The following SLC49A3 variants were observed in gnomAD, a reference collection of about 807,000 sequenced individuals.
SLC49A3 encodes solute carrier family 49 member 3.
SLC49A3 carries 50 observed loss-of-function variants against 43.8 expected under a neutral mutation model. That is an observed-to-expected ratio of 1.14 (90% CI 0.91 to 1.45). The LOEUF is 1.45. Ranked by LOEUF, SLC49A3 falls within the 40% of genes most tolerant of loss-of-function variation. The pLI is 0.00. For missense variants in SLC49A3, 906 were observed against 774.1 expected, an observed-to-expected ratio of 1.17 and a Z score of -2.02; for synonymous variants, 413 against 352.0, an observed-to-expected ratio of 1.17 and a Z score of -1.94.
At position 684,743 on chromosome 4, in the gene SLC49A3, C is replaced by A. The variant is rs1400875807; in HGVS notation, c.699G>T (p.Glu233Asp). Reference protein sequence around the residue: ...PSAGAASSTSEKFLDGLKLLM... With the variant: ...PSAGAASSTSDKFLDGLKLLM... ...CCAGCTTGAGCCCATCCAGGAACTT[C>A]TCTGAGGTGGAGCTGGCAGCCCCGG... The change falls in exon 5 of 10, where the codon GAG becomes GAT. Residue 233 changes from glutamate (E) to aspartate (D), a missense_variant. Transcript: ENST00000322224. 6.2e-7 allele frequency: 1 copy of A among 1,611,908 alleles called. No individual in the cohort carries two copies. The highest frequency in any genetic ancestry group is 8.5e-7 in the Non-Finnish European group (1 of 1,179,642).
In SLC49A3 at chr4:684,502, C is replaced by G. The variant is rs1163716791; in HGVS notation, c.821G>C (p.Cys274Ser). The change falls in exon 6 of 10, where the codon TGT becomes TCT. Residue 274 changes from cysteine to serine, a missense_variant. Coordinates refer to ENST00000322224, the MANE Select transcript of SLC49A3 (RefSeq NM_032219.4). ...GCTCACACTGGAGTGGCCGCTTGCA[C>G]AGAGGATCTGCTCCAGGAGGGCTGA... Reference protein sequence around the residue: ...SFSALLEQILCASGHSSGFSG... With the variant: ...SFSALLEQILSASGHSSGFSG... 6.2e-7 allele frequency: 1 copy of G among 1,612,984 alleles called. No homozygotes were observed. Among genetic ancestry groups the G allele is most frequent in the Admixed American group, 1.7e-5 (1 of 59,988 alleles).
At position 682,859 on chromosome 4, in the gene SLC49A3, T is replaced by C. The variant is rs946674717; in HGVS notation, c.1183A>G (p.Met395Val). 7.5e-6 allele frequency: 12 copies of C among 1,603,146 alleles called. No individual in the cohort carries two copies. Among genetic ancestry groups the C allele is most frequent in the Middle Eastern group, 1.7e-4 (1 of 5,858 alleles). The change falls in exon 9 of 10, where the codon ATG becomes GTG. Residue 395 changes from methionine (M) to valine (V), a missense_variant. Transcript: ENST00000322224. ...QAEGILIMLA[M>V]TALTVRRSEP... ...GAGCGTCGCACAGTCAGTGCCGTCATTGCCAGCATGATGAGTATTCCCTCG... is the reference window on the plus strand; with the variant it reads ...GAGCGTCGCACAGTCAGTGCCGTCACTGCCAGCATGATGAGTATTCCCTCG...
chr4:688,839 C>T (rs1741557009), intron 1 of SLC49A3, 154 bp downstream of exon 1: 4 of 1,240,914 alleles, frequency 3.2e-6, no homozygotes, highest in Middle Eastern at 2.7e-4. Flanking sequence ...ACAGACAGTG[C>T]CCCCAGTGCC....
At chr4:678,531 C>G (rs13110755), downstream of SLC49A3, 34,899 of 1,462,728 alleles carry the variant, frequency 0.024, 441 homozygotes, top group Middle Eastern at 0.03. Flanking sequence ...CCTCAGCTGT[C>G]TGGCCCCCTC....
downstream of SLC49A3, among the ~76,000 whole-genome samples, chr4:681,580 C>T (rs1209506254): frequency 1.4e-5 from 2 of 145,878 alleles, no homozygotes; most frequent in Admixed American, 6.8e-5. Flanking sequence ...TGCGCCCAGA[C>T]TGTGGCTGCA....
At chr4:679,869 G>C, downstream of SLC49A3, 1 of 1,559,262 alleles carries the variant, frequency 6.4e-7, no homozygotes, top group Non-Finnish European at 8.8e-7. Flanking sequence ...GTGGCACAGG[G>C]CAGGCAACAA....
chr4:684,638 C>T lies in SLC49A3; in HGVS notation c.724-39G>A, dbSNP rs1740611167. The T allele has an allele frequency of 3.7e-6, 6 of 1,611,274 alleles. No individual in the cohort carries two copies. The East Asian group carries it at 6.7e-5, about 18-fold the overall frequency. On this transcript the variant is annotated intron_variant, in intron 5 of 9. Transcript: ENST00000322224. The stretch of plus-strand genomic sequence containing the variant: ...GCGTCTCAGCCCCGGAGCCCGGGGG[C>T]CCTTCCCAAACCCATCGCCTCCTCA...
Position 685,787 on chromosome 4 carries a change from T to C in SLC49A3, c.585+48A>G, listed in dbSNP as rs1020347635. 4 of 1,590,816 alleles carry C rather than the reference T, an allele frequency of 2.5e-6. No individual in the cohort carries two copies. The highest frequency in any genetic ancestry group is 2.2e-5 in the South Asian group (2 of 90,502). On this transcript the variant is annotated intron_variant, in intron 4 of 9. Transcript: ENST00000322224. This position sits in a 1 kb window ranked among gnomAD's most constrained non-coding sequence, Gnocchi z 4.3. The stretch of plus-strand genomic sequence containing the variant: ...GGGATCAGGAACACACAGACGTGCA[T>C]GCGCACACACCACACAGACCAGGCA...
upstream of SLC49A3, among the ~76,000 whole-genome samples, chr4:690,607 C>G (rs75012393): frequency 0.12 from 18,587 of 152,270 alleles, 1,242 homozygotes; most frequent in Middle Eastern, 0.17. Flanking sequence ...GGAGCACTGC[C>G]TCTGACAGGT....
chr4:691,034 C>G (rs555602779), upstream of SLC49A3, among the ~76,000 whole-genome samples: 9 of 152,348 alleles, frequency 5.9e-5, no homozygotes, highest in Non-Finnish European at 8.8e-5. Context: ...CGCCTGTAAT[C>G]CCAGCACTTT....
rs781589623 is a variant in SLC49A3 at position 689,049 on chromosome 4, C to T, written c.79G>A (p.Ala27Thr). ...LCAQRGHRTY[A>T]RRWVFLLAIS... ...GCGAGCAGGAACACCCAGCGGCGCGCGTAGGTGCGGTGGCCCCGCTGCGCG... is the reference window on the plus strand; with the variant it reads ...GCGAGCAGGAACACCCAGCGGCGCGTGTAGGTGCGGTGGCCCCGCTGCGCG... The change falls in exon 1 of 10, where the codon GCG becomes ACG. Residue 27 changes from alanine to threonine, a missense_variant. Coordinates refer to ENST00000322224, the MANE Select transcript of SLC49A3 (RefSeq NM_032219.4). The T allele has an allele frequency of 2.5e-6, 4 of 1,586,196 alleles. No individual in the cohort carries two copies. In the East Asian group the frequency reaches 7.3e-5, roughly 29 times the overall value.
downstream of SLC49A3, chr4:680,530 T>C (rs778679021): frequency 3.2e-5 from 52 of 1,613,452 alleles, no homozygotes; most frequent in Non-Finnish European, 4.3e-5. Context: ...GAGGAGACCA[T>C]TCTTAACGCC....
chr4:678,155 GCTCTGCCTGCATA>G, downstream of SLC49A3: 1 of 1,546,610 alleles, frequency 6.5e-7, no homozygotes. Context: ...GTGGGCGTGT[GCTCTGCCTGCATA>G]TGTGTGTGCA....
chr4:686,156 T>C lies in SLC49A3; in HGVS notation c.441A>G (p.Pro147=), dbSNP rs1740974196. 2 of 1,613,296 alleles carry C rather than the reference T, an allele frequency of 1.2e-6. No individual in the cohort carries two copies. The highest frequency in any genetic ancestry group is 1.7e-5 in the Admixed American group (1 of 60,024). Residue 147 remains proline (P), a synonymous_variant, in exon 3 of 10, where the codon CCA becomes CCG. Coordinates refer to ENST00000322224, the MANE Select transcript of SLC49A3 (RefSeq NM_032219.4). Reference sequence around the variant, plus strand: ...GGAACCACAAGGCAGCCAGCTTGGCTGGAGAGAAGATGACCAGGCTCTGGG... The same window carrying C: ...GGAACCACAAGGCAGCCAGCTTGGCCGGAGAGAAGATGACCAGGCTCTGGG... ...ALAQSLVIFS[P]AKLAALWFPE... is the part of the protein sequence containing the mutation.
chr4:688,273 C>T (rs1741440004), intron 1 of SLC49A3, among the ~76,000 whole-genome samples: 1 of 152,220 alleles, frequency 6.6e-6, no homozygotes, highest in Non-Finnish European at 1.5e-5. Flanking sequence ...GCTGGCCCTC[C>T]ATACCCAGCC....
At chr4:680,153 T>C, downstream of SLC49A3, 1 of 908,922 alleles carries the variant, frequency 1.1e-6, no homozygotes. Flanking sequence ...AGCCAACAAC[T>C]GTGGGGCCCC....
downstream of SLC49A3, chr4:677,848 G>C: frequency 9.7e-7 from 1 of 1,027,518 alleles, no homozygotes; most frequent in Non-Finnish European, 1.5e-6. Context: ...AAGGGTGTGA[G>C]TCACTGCCAG....
downstream of SLC49A3, chr4:681,207 G>A: frequency 6.5e-7 from 1 of 1,548,486 alleles, no homozygotes; most frequent in Admixed American, 1.9e-5. Context: ...CAGCTGGGTG[G>A]AGGGGGACGC....
In SLC49A3 at chr4:686,625, C is replaced by A. The variant is rs755588181; in HGVS notation, c.201G>T (p.Gln67His). The A allele has an allele frequency of 1.2e-6, 2 of 1,613,272 alleles. No individual in the cohort carries two copies. The highest frequency in any genetic ancestry group is 4.5e-5 in the East Asian group (2 of 44,894). Residue 67 changes from glutamine (Q) to histidine (H), a missense_variant, in exon 2 of 10, where the codon CAG (glutamine) becomes CAT (histidine). Gln to His is a conservative substitution (Grantham distance 24). Transcript: ENST00000322224. ...IAEDLVLSME[Q>H]INWLSLVYLV... ...GGTAGACCAGTGACAGCCAGTTGAT[C>A]TGCTCCATGGACAGGACCAAGTCCT... is the stretch of plus-strand genomic sequence containing the variant.
Sources: gnomAD v4.1 joint callset for allele counts (sites outside exome capture counted in the v4.1 genomes callset) on GRCh38, gnomAD v4.1.1 for gene constraint, Gnocchi (gnomAD v3.1) non-coding constraint, MANE v1.5 for transcripts, NCBI Gene and HGNC (gene_info 2026-07-23, HGNC 2026-07-21) for gene names.